The following KIF6 variants were observed in gnomAD, a reference collection of about 807,000 sequenced individuals.
KIF6 encodes kinesin family member 6.
Under a neutral mutation model 112.7 loss-of-function variants are expected in KIF6, and 106 were observed. The observed-to-expected ratio is 0.94, with a 90% confidence interval of 0.80 to 1.11. KIF6 has a LOEUF of 1.11. Among genes scored for constraint, KIF6 ranks in the 50% least tolerant of loss-of-function variants. The pLI is 0.00. For synonymous variants in KIF6, 339 were observed against 339.9 expected (o/e 1.00, Z 0.03); for missense variants, 929 against 964.0 (o/e 0.96, Z 0.48).
intron 3 of KIF6, among the ~76,000 whole-genome samples, chr6:39,697,112 G>T (rs1214607093): frequency 6.6e-6 from 1 of 152,114 alleles, no homozygotes; most frequent in Non-Finnish European, 1.5e-5. Context: ...AGGTTTATCT[G>T]CCAAGTTTGT....
intron 3 of KIF6, among the ~76,000 whole-genome samples, chr6:39,695,369 C>T (rs1788467403): frequency 6.6e-6 from 1 of 152,144 alleles, no homozygotes; most frequent in South Asian, 2.1e-4. Flanking sequence ...GGCAAACAGA[C>T]AACCTACAGA....
intron 15 of KIF6, among the ~76,000 whole-genome samples, chr6:39,393,577 G>A (rs1768043025): frequency 6.6e-6 from 1 of 152,116 alleles, no homozygotes; most frequent in Non-Finnish European, 1.5e-5. Context: ...AAATATTTAA[G>A]TAAAAATATT....
chr6:39,457,162 C>T (rs200763161), intron 13 of KIF6, among the ~76,000 whole-genome samples: 8,055 of 151,636 alleles, frequency 0.053, 397 homozygotes, highest in East Asian at 0.24. Flanking sequence ...GAAATTATAA[C>T]AAACTATCTC....
At chr6:39,348,829 C>T (rs960804030) in intron 19 of KIF6, among the ~76,000 whole-genome samples, 6 of 152,214 alleles carry the variant, frequency 3.9e-5, no homozygotes, top group Non-Finnish European at 7.3e-5. Flanking sequence ...TCCCCACCTG[C>T]GGCAATTCTC....
At chr6:39,724,494 T>C (rs1226984279) in intron 1 of KIF6, among the ~76,000 whole-genome samples, 2 of 150,728 alleles carry the variant, frequency 1.3e-5, no homozygotes, top group Non-Finnish European at 2.9e-5. Context: ...AAAGTATCAT[T>C]GCTCAGAGTC....
intron 16 of KIF6, 124 bp downstream of exon 16, chr6:39,385,498 C>T: frequency 1.3e-6 from 1 of 773,028 alleles, no homozygotes; most frequent in Non-Finnish European, 2.3e-6. Context: ...GGATAGCAAC[C>T]CTTGCCATCC....
At chr6:39,528,198 G>T (rs554638454) in intron 13 of KIF6, among the ~76,000 whole-genome samples, 2 of 152,212 alleles carry the variant, frequency 1.3e-5, no homozygotes, top group South Asian at 4.2e-4. Context: ...CCATGTATAA[G>T]TGAGAACATG....
At chr6:39,403,427 C>G (rs529767801) in intron 15 of KIF6, among the ~76,000 whole-genome samples, 19 of 152,218 alleles carry the variant, frequency 1.2e-4, no homozygotes, top group South Asian at 2.1e-4. Context: ...CTTTATGAGA[C>G]TGGCTTCTTT....
At chr6:39,463,587 C>T (rs1773611508) in intron 13 of KIF6, among the ~76,000 whole-genome samples, 2 of 152,146 alleles carry the variant, frequency 1.3e-5, no homozygotes, top group Admixed American at 1.3e-4. Flanking sequence ...ATCTTTTTTA[C>T]TTCTCATCAC....
intron 13 of KIF6, among the ~76,000 whole-genome samples, chr6:39,438,587 T>C (rs1489237687): frequency 6.6e-6 from 1 of 152,164 alleles, no homozygotes; most frequent in Non-Finnish European, 1.5e-5. Context: ...GAAAAAAATA[T>C]TTTTGTACAG....
intron 16 of KIF6, among the ~76,000 whole-genome samples, chr6:39,383,568 T>C (rs562660812): frequency 6.6e-6 from 1 of 152,332 alleles, no homozygotes; most frequent in East Asian, 1.9e-4. Context: ...TGTAGCCTTG[T>C]AGTTTAGTTT....
intron 13 of KIF6, among the ~76,000 whole-genome samples, chr6:39,473,933 G>A (rs927355135): frequency 1.3e-5 from 2 of 152,076 alleles, no homozygotes; most frequent in African/African-American, 4.8e-5. Context: ...ATTCATTTGA[G>A]TTTTGATCTG....
chr6:39,349,196 G>A (rs1183255887), intron 19 of KIF6, among the ~76,000 whole-genome samples: 2 of 152,166 alleles, frequency 1.3e-5, no homozygotes, highest in Non-Finnish European at 2.9e-5. Context: ...ATCTTAAGTT[G>A]GAATACCTAA....
At chr6:39,510,308 G>T (rs1280848332) in intron 13 of KIF6, among the ~76,000 whole-genome samples, 1 of 151,970 alleles carries the variant, frequency 6.6e-6, no homozygotes, top group Non-Finnish European at 1.5e-5. Flanking sequence ...TAGCCAGGAT[G>T]GGCTAGATCT....
At chr6:39,467,779 C>G (rs960316038) in intron 13 of KIF6, among the ~76,000 whole-genome samples, 1 of 152,060 alleles carries the variant, frequency 6.6e-6, no homozygotes, top group East Asian at 1.9e-4. Flanking sequence ...TACCCATACA[C>G]AAGAATAAAG....
intron 13 of KIF6, among the ~76,000 whole-genome samples, chr6:39,500,845 T>G (rs559755909): frequency 2.0e-5 from 3 of 151,624 alleles, no homozygotes; most frequent in African/African-American, 4.9e-5. Flanking sequence ...GAAGCTCTCT[T>G]AGAAGCAGAG....
In KIF6 at chr6:39,373,869, G is replaced by GA. The variant is rs536859210; in HGVS notation, c.1862-11352dup. ...CCAATGTTATTTTTTTACAGAAATA[G>GA]AAAAAAAATCCTAACGTTCATCTGG... On this transcript the variant is annotated intron_variant, in intron 16 of 22. Transcript: ENST00000287152. Among the ~76,000 whole-genome samples, 57 of 151,844 alleles carry GA rather than the reference G, an allele frequency of 3.8e-4. No homozygotes were observed. In the South Asian group the frequency reaches 4.8e-3, roughly 13 times the overall value.
chr6:39,348,830 G>A lies in KIF6; in HGVS notation c.2181-2304C>T, dbSNP rs111252027. Among the ~76,000 whole-genome samples the A allele has an allele frequency of 9.6e-3, 1,461 of 152,304 alleles. 26 individuals carry two copies. The highest frequency in any genetic ancestry group is 0.034 in the African/African-American group (1,394 of 41,568). ...CCGCTACCCCCAGTTCCCCACCTGC[G>A]GCAATTCTCAGGAGCAGCCGCTCTG... On this transcript the variant is annotated intron_variant, in intron 19 of 22. Coordinates refer to ENST00000287152, the MANE Select transcript of KIF6 (RefSeq NM_145027.6).
At chr6:39,443,630 G>A (rs1259144274) in intron 13 of KIF6, among the ~76,000 whole-genome samples, 1 of 151,982 alleles carries the variant, frequency 6.6e-6, no homozygotes, top group Admixed American at 6.6e-5. Flanking sequence ...AACTAGTAGC[G>A]ATGGGGTTTC....
Sources: allele counts gnomAD v4.1 joint callset (sites outside exome capture counted in the v4.1 genomes callset), GRCh38; gene constraint gnomAD v4.1.1; transcripts MANE v1.5; gene names NCBI Gene and HGNC (gene_info 2026-07-23, HGNC 2026-07-21).